The following FRMPD1 variants were observed in gnomAD, a reference collection of about 807,000 sequenced individuals.
FRMPD1 encodes FERM and PDZ domain containing 1, also known as FERM and PDZ domain-containing protein 1.
FRMPD1 carries 76 observed loss-of-function variants against 117.8 expected under a neutral mutation model. The observed-to-expected ratio is 0.65, with a 90% CI of 0.54 to 0.78. The LOEUF (loss-of-function observed/expected upper bound fraction) is 0.78, where lower values mean the gene tolerates loss of function less well. Among genes scored for constraint, FRMPD1 ranks in the 30% least tolerant of loss-of-function variants. FRMPD1 has a pLI of 0.00. For synonymous variants in FRMPD1, 783 were observed against 770.4 expected (o/e 1.02, Z -0.27); for missense variants, 1,786 against 1,964.5 (o/e 0.91, Z 1.72).
rs201565152 is a variant in FRMPD1 at position 37,746,710 on chromosome 9, G to A, written c.4678G>A (p.Ala1560Thr). The A allele has an allele frequency of 1.2e-6, 2 of 1,614,036 alleles. No homozygotes were observed. The highest frequency in any genetic ancestry group is 1.7e-6 in the Non-Finnish European group (2 of 1,180,038). The change falls in exon 16 of 16, where the codon GCC becomes ACC. Residue 1560 changes from alanine (A) to threonine (T), a missense_variant. Transcript: ENST00000377765. ...SVKLLARQCTALTAAVFCLTQ... is the reference protein window; with the variant it reads ...SVKLLARQCTTLTAAVFCLTQ... The stretch of plus-strand genomic sequence containing the variant: ...GAAACTCCTGGCCCGTCAGTGCACG[G>A]CCCTCACGGCCGCCGTGTTCTGTTT...
upstream of FRMPD1, among the ~76,000 whole-genome samples, chr9:37,649,002 C>A (rs1334047409): frequency 6.6e-6 from 1 of 152,076 alleles, no homozygotes; most frequent in Middle Eastern, 3.4e-3. Context: ...GCAAGAGGGA[C>A]CAGAATGAGA....
At chr9:37,693,156 C>T (rs921694283) in intron 2 of FRMPD1, 1 of 163,176 alleles carries the variant, frequency 6.1e-6, no homozygotes, top group Non-Finnish European at 1.3e-5. Flanking sequence ...TGTCTTAGTA[C>T]TTGACATGAA....
At chr9:37,645,780 T>A in the FRMPD1 span, among the ~76,000 whole-genome samples, 1 of 152,218 alleles carries the variant, frequency 6.6e-6, no homozygotes, top group South Asian at 2.1e-4. Flanking sequence ...AAAGCAACAA[T>A]CTAATTGTCC....
At chr9:37,659,357 C>T (rs545296549) in intron 1 of FRMPD1, among the ~76,000 whole-genome samples, 3 of 152,274 alleles carry the variant, frequency 2.0e-5, no homozygotes, top group Non-Finnish European at 2.9e-5. Flanking sequence ...TGAAGGGTGC[C>T]GGGGCTGTTC....
chr9:37,650,438 A>G (rs1820630827), upstream of FRMPD1, among the ~76,000 whole-genome samples: 1 of 152,066 alleles, frequency 6.6e-6, no homozygotes, highest in South Asian at 2.1e-4. Flanking sequence ...TTACAGAGAC[A>G]GGGGAGGTGG....
intron 5 of FRMPD1, among the ~76,000 whole-genome samples, chr9:37,712,043 C>T (rs1358181089): frequency 6.6e-6 from 1 of 152,104 alleles, no homozygotes; most frequent in African/African-American, 2.4e-5. Context: ...TACTTCTTAG[C>T]CTTGGCCACA....
At chr9:37,714,635 A>G (rs10814605) in intron 5 of FRMPD1, among the ~76,000 whole-genome samples, 2,239 of 129,836 alleles carry the variant, frequency 0.017, 30 homozygotes, top group East Asian at 0.069. Flanking sequence ...GTTTTGTTTT[A>G]TTTTATTTTA....
chr9:37,740,121 G>C lies in FRMPD1; in HGVS notation c.1593G>C (p.Glu531Asp), dbSNP rs775044227. 10 of 1,613,148 alleles carry C rather than the reference G, an allele frequency of 6.2e-6. No homozygotes were observed. The highest frequency in any genetic ancestry group is 3.3e-5 in the Admixed American group (2 of 59,920). The change falls in exon 15 of 16, where the codon GAG (glutamate) becomes GAC (aspartate). Residue 531 changes from glutamate to aspartate, a missense_variant. Coordinates refer to ENST00000377765, the MANE Select transcript of FRMPD1 (RefSeq NM_014907.3). This position sits in a 1 kb window ranked among gnomAD's most constrained non-coding sequence, Gnocchi z 4.2. ...RACSDSEESS[E>D]VDCVLEPLSD... is the part of the protein sequence containing the mutation. ...GCAGTGACTCAGAGGAGTCCTCTGA[G>C]GTGGACTGCGTACTCGAACCTCTCT...
intron 6 of FRMPD1, among the ~76,000 whole-genome samples, chr9:37,723,022 C>G (rs570947629): frequency 1.3e-5 from 2 of 152,134 alleles, no homozygotes; most frequent in Admixed American, 1.3e-4. Context: ...AATAGCCCTA[C>G]GAGAGTGGCA....
chr9:37,717,262 TCTGA>T (rs995838931), intron 5 of FRMPD1, among the ~76,000 whole-genome samples: 33 of 151,604 alleles, frequency 2.2e-4, no homozygotes, highest in African/African-American at 7.7e-4. Flanking sequence ...CTAAAAGCTC[TCTGA>T]CTATCTCTTA....
upstream of FRMPD1, among the ~76,000 whole-genome samples, chr9:37,650,206 C>T (rs7021824): frequency 0.23 from 34,313 of 152,120 alleles, 4,555 homozygotes; most frequent in East Asian, 0.45. Context: ...AAATAGTGCA[C>T]AGACACATGC....
chr9:37,675,386 A>C (rs1588917656), intron 1 of FRMPD1, among the ~76,000 whole-genome samples: 1 of 150,874 alleles, frequency 6.6e-6, no homozygotes, highest in African/African-American at 2.4e-5. Context: ...GTGCCACTGC[A>C]CTCCAGCCTG....
intron 2 of FRMPD1, among the ~76,000 whole-genome samples, chr9:37,703,673 A>G (rs900097481): frequency 1.4e-4 from 22 of 152,196 alleles, no homozygotes; most frequent in African/African-American, 5.1e-4. Flanking sequence ...TATACCTATT[A>G]GCAGTGACTC....
intron 1 of FRMPD1, among the ~76,000 whole-genome samples, chr9:37,665,257 A>G (rs1821126844): frequency 6.6e-6 from 1 of 152,214 alleles, no homozygotes; most frequent in African/African-American, 2.4e-5. Context: ...CTTTTAGTGG[A>G]CAATTTTTAT....
At chr9:37,692,894 A>G (rs887705479) in intron 2 of FRMPD1, 152 bp downstream of exon 2, 8 of 640,730 alleles carry the variant, frequency 1.2e-5, no homozygotes, top group African/African-American at 1.1e-4. Context: ...CAGGTCAGCA[A>G]TTTTGCTGGA....
chr9:37,658,201 G>A (rs1808206758), intron 1 of FRMPD1, among the ~76,000 whole-genome samples: 1 of 152,082 alleles, frequency 6.6e-6, no homozygotes, highest in South Asian at 2.1e-4. Context: ...AGCCCAGACA[G>A]GAGCAAGCCC....
chr9:37,720,257 T>G (rs1823333101), intron 6 of FRMPD1, among the ~76,000 whole-genome samples: 1 of 152,240 alleles, frequency 6.6e-6, no homozygotes, highest in Non-Finnish European at 1.5e-5. Context: ...GTCATGTTTG[T>G]GAAATTGGAT....
intron 1 of FRMPD1, among the ~76,000 whole-genome samples, chr9:37,679,090 G>T (rs1275085045): frequency 1.3e-5 from 2 of 152,228 alleles, no homozygotes; most frequent in Admixed American, 6.5e-5. Flanking sequence ...TCTACTGTGT[G>T]TTGGAGCTCC....
At chr9:37,606,757 T>C in the FRMPD1 span, among the ~76,000 whole-genome samples, 2 of 152,210 alleles carry the variant, frequency 1.3e-5, no homozygotes, top group African/African-American at 4.8e-5. Flanking sequence ...CTTGACTGGC[T>C]CAGTTCAGAA....
Sources: gnomAD v4.1 joint callset for allele counts (sites outside exome capture counted in the v4.1 genomes callset) on GRCh38, gnomAD v4.1.1 for gene constraint, Gnocchi (gnomAD v3.1) non-coding constraint, MANE v1.5 for transcripts, NCBI Gene and HGNC (gene_info 2026-07-23, HGNC 2026-07-21) for gene names.